RMP24: variants seen among roughly 807,000 people sequenced by gnomAD.
The protein encoded by RMP24 is ribonuclease MRP subunit p24.
At chr18:35,978,970 T>C in the RMP24 span, 1 of 1,610,532 alleles carries the variant, frequency 6.2e-7, no homozygotes. Flanking sequence ...ACTTCAGAAA[T>C]TTCTTATCTT....
At chr18:35,979,273 C>T in the RMP24 span, 1 of 213,476 alleles carries the variant, frequency 4.7e-6, no homozygotes, top group Non-Finnish European at 9.3e-6. Context: ...TAGATATATA[C>T]ATTGAGTAGT....
chr18:35,977,915 A>G, the RMP24 span, among the ~76,000 whole-genome samples: 4 of 152,164 alleles, frequency 2.6e-5, no homozygotes, highest in African/African-American at 9.7e-5. Context: ...AAACCTGTCC[A>G]TCCTCCTGAG....
At chr18:35,977,443 A>G in the RMP24 span, 1 of 1,613,738 alleles carries the variant, frequency 6.2e-7, no homozygotes, top group Admixed American at 1.7e-5. Flanking sequence ...CAGAACAGTG[A>G]AACATCATGG....
At chr18:35,975,227 A>G in the RMP24 span, 1 of 699,088 alleles carries the variant, frequency 1.4e-6, no homozygotes, top group Non-Finnish European at 2.3e-6. Flanking sequence ...AAATATATAC[A>G]TAAACACTTC....
the RMP24 span, chr18:35,972,805 T>G: frequency 6.2e-7 from 1 of 1,614,144 alleles, no homozygotes; most frequent in African/African-American, 1.3e-5. Flanking sequence ...CGCTACCTCC[T>G]GTAAGAGGAC....
chr18:35,976,258 T>C, the RMP24 span, among the ~76,000 whole-genome samples: 102 of 148,576 alleles, frequency 6.9e-4, no homozygotes, highest in African/African-American at 2.4e-3. Context: ...CACGCCATTC[T>C]CCTGCCTCAG....
chr18:35,977,252 G>T, the RMP24 span, among the ~76,000 whole-genome samples: 1 of 151,846 alleles, frequency 6.6e-6, no homozygotes, highest in African/African-American at 2.4e-5. Context: ...TCTGATTCTC[G>T]CTACTAGATT....
the RMP24 span, among the ~76,000 whole-genome samples, chr18:35,976,211 G>A: frequency 3.6e-5 from 5 of 138,660 alleles, no homozygotes; most frequent in African/African-American, 8.3e-5. Flanking sequence ...GTGTAGTGGC[G>A]TGATCTCGGT....
At chr18:35,972,760 C>T in the RMP24 span, 6 of 1,613,454 alleles carry the variant, frequency 3.7e-6, no homozygotes, top group Non-Finnish European at 4.2e-6. Context: ...GAGGCTGCAG[C>T]GCGGGGACTG....
chr18:35,973,687 G>A, the RMP24 span: 2 of 152,238 alleles, frequency 1.3e-5, no homozygotes, highest in Non-Finnish European at 2.9e-5. Flanking sequence ...TTGAGATGCA[G>A]AGGCGGGCGG....
At chr18:35,976,287 C>T in the RMP24 span, among the ~76,000 whole-genome samples, 1 of 151,772 alleles carries the variant, frequency 6.6e-6, no homozygotes, top group South Asian at 2.1e-4. Context: ...GTAGCTGGGA[C>T]TACAGGTGCC....
At chr18:35,973,194 G>A in the RMP24 span, 1 of 554,692 alleles carries the variant, frequency 1.8e-6, no homozygotes, top group South Asian at 2.1e-5. Context: ...GATTTGCTTT[G>A]CTGGTTCCTC....
At chr18:35,972,690 C>T in the RMP24 span, 8 of 1,574,622 alleles carry the variant, frequency 5.1e-6, no homozygotes, top group African/African-American at 5.4e-5. Context: ...TATTTTCTCA[C>T]CTGGTTCCCG....
chr18:35,975,075 A>C, the RMP24 span: 1 of 1,613,030 alleles, frequency 6.2e-7, no homozygotes, highest in East Asian at 2.2e-5. Flanking sequence ...GAAAAAGTTC[A>C]AAGACTCCAA....
At chr18:35,972,761 G>A in the RMP24 span, 2 of 1,613,656 alleles carry the variant, frequency 1.2e-6, no homozygotes, top group Middle Eastern at 1.7e-4. Context: ...AGGCTGCAGC[G>A]CGGGGACTGC....
At chr18:35,978,455 C>G in the RMP24 span, among the ~76,000 whole-genome samples, 1 of 152,136 alleles carries the variant, frequency 6.6e-6, no homozygotes, top group Non-Finnish European at 1.5e-5. Context: ...TACTAAAATA[C>G]AAAAGATTAG....
the RMP24 span, chr18:35,973,718 C>G: frequency 6.6e-6 from 1 of 152,118 alleles, no homozygotes; most frequent in Non-Finnish European, 1.5e-5. Flanking sequence ...GCCAGGAGTT[C>G]GAGACCAACC....
At chr18:35,978,772 CAA>C in the RMP24 span, 4 of 1,457,454 alleles carry the variant, frequency 2.7e-6, no homozygotes, top group Non-Finnish European at 2.8e-6. Context: ...GGCCATAATA[CAA>C]AAGAGTAGAA....
the RMP24 span, among the ~76,000 whole-genome samples, chr18:35,975,418 T>G: frequency 6.6e-6 from 1 of 152,238 alleles, no homozygotes; most frequent in South Asian, 2.1e-4. Context: ...ACCACTACAT[T>G]ATTTTTTCAG....
Sources: gnomAD v4.1 joint callset for allele counts (sites outside exome capture counted in the v4.1 genomes callset) on GRCh38, gnomAD v4.1.1 for gene constraint, MANE v1.5 for transcripts, NCBI Gene and HGNC (gene_info 2026-07-23, HGNC 2026-07-21) for gene names.